The following MAGI1 variants were observed in gnomAD, a reference collection of about 807,000 sequenced individuals.
MAGI1 encodes membrane associated guanylate kinase, WW and PDZ domain containing 1.
A neutral mutation model predicts 139.9 loss-of-function variants in MAGI1; 58 were observed. That is an observed-to-expected ratio of 0.41 (90% CI 0.34 to 0.52). The LOEUF is 0.52. MAGI1 is among the 20% of genes least tolerant of loss of function. The probability of loss-of-function intolerance (pLI) is 0.12; values close to 1 mark genes in which losing one functional copy is unlikely to be tolerated. For missense variants in MAGI1, 1,874 were observed against 1,901.6 expected (o/e 0.99, Z 0.27); for synonymous variants, 812 against 737.9 (o/e 1.10, Z -1.63).
At chr3:65,531,306 C>T (rs1382860556) in intron 2 of MAGI1, among the ~76,000 whole-genome samples, 1 of 152,052 alleles carries the variant, frequency 6.6e-6, no homozygotes, top group East Asian at 1.9e-4. Flanking sequence ...ATCCAACTGC[C>T]TACATGAAAT....
intron 7 of MAGI1, among the ~76,000 whole-genome samples, chr3:65,445,509 AT>A (rs1948622337): frequency 6.6e-6 from 1 of 152,180 alleles, no homozygotes; most frequent in South Asian, 2.1e-4. Flanking sequence ...TTTCAAAGAG[AT>A]TTCTCTGTAT....
intron 1 of MAGI1, among the ~76,000 whole-genome samples, chr3:65,876,331 T>C (rs2060116026): frequency 1.3e-5 from 2 of 151,742 alleles, no homozygotes; most frequent in South Asian, 4.2e-4. Context: ...AGAATCCATC[T>C]CCTAACCCAC....
intron 1 of MAGI1, among the ~76,000 whole-genome samples, chr3:65,628,319 T>C (rs778280679): frequency 2.9e-4 from 44 of 152,278 alleles, no homozygotes; most frequent in Middle Eastern, 3.4e-3. Flanking sequence ...ACTCGTTATA[T>C]AGTTGTACTC....
chr3:65,947,231 A>T (rs2063583123), intron 1 of MAGI1, among the ~76,000 whole-genome samples: 1 of 152,200 alleles, frequency 6.6e-6, no homozygotes, highest in African/African-American at 2.4e-5. Context: ...AATGGTTCCT[A>T]AAAGCAGACT....
chr3:65,968,419 T>C (rs1426838413), intron 1 of MAGI1, among the ~76,000 whole-genome samples: 1 of 152,098 alleles, frequency 6.6e-6, no homozygotes, highest in Non-Finnish European at 1.5e-5. Flanking sequence ...AGAACACTGA[T>C]TCAAAGGTAA....
At chr3:65,944,645 A>AG (rs1212077935) in intron 1 of MAGI1, among the ~76,000 whole-genome samples, 2 of 152,210 alleles carry the variant, frequency 1.3e-5, no homozygotes, top group African/African-American at 4.8e-5. Context: ...GAAGGGACGG[A>AG]GGGAGGGAGC....
At chr3:66,036,132 C>G (rs1036156014) in intron 1 of MAGI1, among the ~76,000 whole-genome samples, 3 of 152,168 alleles carry the variant, frequency 2.0e-5, no homozygotes, top group Non-Finnish European at 4.4e-5. Context: ...CTCTACAGCC[C>G]TATCAAGTCA....
intron 1 of MAGI1, among the ~76,000 whole-genome samples, chr3:65,979,686 G>C (rs191654601): frequency 7.3e-4 from 111 of 152,296 alleles, no homozygotes; most frequent in Non-Finnish European, 1.3e-3. Context: ...CCTCTGCAAA[G>C]AGTCGATAGG....
intron 1 of MAGI1, among the ~76,000 whole-genome samples, chr3:65,951,015 GGAAGGAAGGAAGGAAGGAAGGA>G (rs879424670): frequency 0.027 from 3,327 of 122,422 alleles, 254 homozygotes; most frequent in Non-Finnish European, 0.04. Flanking sequence ...AAGGAAGGAA[GGAAGGAAGGAAGGAAGGAAGGA>G]AAGGAGGGAG....
intron 1 of MAGI1, among the ~76,000 whole-genome samples, chr3:65,689,800 TAGA>T (rs1022797250): frequency 2.0e-5 from 3 of 152,202 alleles, no homozygotes. Flanking sequence ...CTTAACTAAC[TAGA>T]AGGTCAATTA....
chr3:65,631,134 A>G (rs74436745), intron 1 of MAGI1, among the ~76,000 whole-genome samples: 7,334 of 152,318 alleles, frequency 0.048, 584 homozygotes, highest in African/African-American at 0.17. Context: ...GGGAGTGTCT[A>G]GGAAGAAGGA....
intron 2 of MAGI1, among the ~76,000 whole-genome samples, chr3:65,552,025 T>G (rs964029433): frequency 6.6e-6 from 1 of 152,186 alleles, no homozygotes; most frequent in African/African-American, 2.4e-5. Flanking sequence ...CAGTGAGATA[T>G]TCCTGTCAGA....
chr3:65,783,405 T>C (rs2039094082), intron 1 of MAGI1, among the ~76,000 whole-genome samples: 1 of 152,004 alleles, frequency 6.6e-6, no homozygotes, highest in African/African-American at 2.4e-5. Flanking sequence ...TCCGAACACT[T>C]TGAGAGGGCA....
intron 1 of MAGI1, among the ~76,000 whole-genome samples, chr3:65,979,363 C>T (rs1436430550): frequency 6.6e-6 from 1 of 152,104 alleles, no homozygotes; most frequent in Non-Finnish European, 1.5e-5. Context: ...AGTTAAATTC[C>T]GTTTCCTTCA....
At chr3:65,679,599 G>T (rs146653053) in intron 1 of MAGI1, among the ~76,000 whole-genome samples, 94 of 152,170 alleles carry the variant, frequency 6.2e-4, no homozygotes, top group Non-Finnish European at 1.2e-3. Context: ...GGAAAGAAAG[G>T]CTATCAAGAA....
intron 1 of MAGI1, among the ~76,000 whole-genome samples, chr3:65,908,637 A>G (rs1280167679): frequency 6.6e-6 from 1 of 152,184 alleles, no homozygotes; most frequent in African/African-American, 2.4e-5. Context: ...ATCATCTTCT[A>G]TATTTTTCTC....
chr3:65,554,947 A>G (rs906143056), intron 2 of MAGI1, among the ~76,000 whole-genome samples: 3 of 152,212 alleles, frequency 2.0e-5, no homozygotes, highest in Admixed American at 1.3e-4. Context: ...GTGAACTCCA[A>G]ATAGTCATGG....
chr3:65,941,539 C>T (rs972797803), intron 1 of MAGI1, among the ~76,000 whole-genome samples: 2 of 152,086 alleles, frequency 1.3e-5, no homozygotes, highest in Admixed American at 6.5e-5. Context: ...TGCAGTAGCA[C>T]TCTCCCAGTT....
At chr3:65,594,161 A>G (rs1405484895) in intron 2 of MAGI1, among the ~76,000 whole-genome samples, 1 of 152,222 alleles carries the variant, frequency 6.6e-6, no homozygotes, top group Non-Finnish European at 1.5e-5. Context: ...CTGTATTTGA[A>G]AAAACAAAAC....
Sources: gnomAD v4.1 joint callset for allele counts (sites outside exome capture counted in the v4.1 genomes callset) on GRCh38, gnomAD v4.1.1 for gene constraint, MANE v1.5 for transcripts, NCBI Gene and HGNC (gene_info 2026-07-23, HGNC 2026-07-21) for gene names.